Variants in PAK5 observed in about 807,000 individuals in gnomAD.
The protein encoded by PAK5 is serine/threonine-protein kinase PAK 5.
In PAK5, 16 loss-of-function variants were observed where a neutral mutation model predicts 65.9. The ratio of observed to expected loss-of-function variants is 0.24; its 90% confidence interval spans 0.16 to 0.37. The LOEUF (loss-of-function observed/expected upper bound fraction) is 0.37, where lower values mean the gene tolerates loss of function less well. Among genes scored for constraint, PAK5 ranks in the 10% least tolerant of loss-of-function variants. The pLI is 1.00. For synonymous variants in PAK5, 371 were observed against 354.9 expected, an observed-to-expected ratio of 1.05 and a Z score of -0.51; for missense variants, 785 against 903.9, an observed-to-expected ratio of 0.87 and a Z score of 1.69.
At chr20:9,571,371 AG>A in intron 4 of PAK5, among the ~76,000 whole-genome samples, 2 of 152,330 alleles carry the variant, frequency 1.3e-5, no homozygotes, top group Middle Eastern at 6.8e-3. Flanking sequence ...GGAATCAAGC[AG>A]GGGGCAACTG....
At chr20:9,786,343 C>A (rs1479790289) in intron 1 of PAK5, among the ~76,000 whole-genome samples, 5 of 152,178 alleles carry the variant, frequency 3.3e-5, no homozygotes, top group African/African-American at 4.8e-5. Flanking sequence ...AAGTGCTCAA[C>A]AAACATTTAC....
At chr20:9,660,254 CG>C (rs2047326400) in intron 2 of PAK5, among the ~76,000 whole-genome samples, 1 of 151,740 alleles carries the variant, frequency 6.6e-6, no homozygotes, top group African/African-American at 2.4e-5. Context: ...ACGTGGATTA[CG>C]CAGTAAACTG....
At chr20:9,572,010 CCAGAACA>C (rs1384633145) in intron 4 of PAK5, among the ~76,000 whole-genome samples, 1 of 149,270 alleles carries the variant, frequency 6.7e-6, no homozygotes, top group African/African-American at 2.5e-5. Flanking sequence ...AAGAATTGGA[CCAGAACA>C]TGATGGATGA....
intron 2 of PAK5, among the ~76,000 whole-genome samples, chr20:9,672,458 TG>T (rs2047512958): frequency 6.6e-6 from 1 of 150,594 alleles, no homozygotes; most frequent in African/African-American, 2.4e-5. Flanking sequence ...ACCATGGGGG[TG>T]GGTCTTTCCT....
At chr20:9,581,943 G>A (rs2045986799) in intron 3 of PAK5, among the ~76,000 whole-genome samples, 1 of 152,174 alleles carries the variant, frequency 6.6e-6, no homozygotes, top group Non-Finnish European at 1.5e-5. Flanking sequence ...TCAAACTGGA[G>A]GAAGAAGTCA....
chr20:9,564,089 C>G lies in PAK5; in HGVS notation c.1483-1065G>C, dbSNP rs913042650. On this transcript the variant is annotated intron_variant, in intron 5 of 9. Transcript: ENST00000353224. The stretch of plus-strand genomic sequence containing the variant: ...TGGATTGTACATGCTTTCCTGGAGA[C>G]TAACATCTAACACTGATACCCTGAC... Among the ~76,000 whole-genome samples, 8 of 152,292 alleles carry G rather than the reference C, an allele frequency of 5.3e-5. No individual in the cohort carries two copies. The East Asian group carries it at 1.5e-3, about 29-fold the overall frequency.
At chr20:9,834,109 A>G (rs1480182389) in intron 1 of PAK5, among the ~76,000 whole-genome samples, 1 of 152,232 alleles carries the variant, frequency 6.6e-6, no homozygotes, top group Non-Finnish European at 1.5e-5. Context: ...ATCAAGGCAC[A>G]CTGTCTAATT....
chr20:9,608,938 G>A (rs1195837805), intron 3 of PAK5, among the ~76,000 whole-genome samples: 2 of 152,206 alleles, frequency 1.3e-5, no homozygotes, highest in Non-Finnish European at 2.9e-5. Flanking sequence ...CCTTAGAAAT[G>A]AAGGATCTTC....
At chr20:9,791,303 C>T (rs1237736466) in intron 1 of PAK5, among the ~76,000 whole-genome samples, 1 of 152,122 alleles carries the variant, frequency 6.6e-6, no homozygotes, top group Non-Finnish European at 1.5e-5. Context: ...AATTGAACTC[C>T]TTGTCTGTCC....
intron 1 of PAK5, among the ~76,000 whole-genome samples, chr20:9,745,180 C>T (rs1390574546): frequency 1.3e-5 from 2 of 152,034 alleles, no homozygotes; most frequent in African/African-American, 4.8e-5. Context: ...TTCTTTCAAT[C>T]TTAGCGATTA....
chr20:9,773,980 T>C (rs937341593), intron 1 of PAK5, among the ~76,000 whole-genome samples: 1 of 152,208 alleles, frequency 6.6e-6, no homozygotes, highest in Non-Finnish European at 1.5e-5. Flanking sequence ...GGGAAACTTA[T>C]GTTTCAAAAG....
At chr20:9,802,912 A>G (rs201212371) in intron 1 of PAK5, among the ~76,000 whole-genome samples, 650 of 49,508 alleles carry the variant, frequency 0.013, 16 homozygotes, top group Non-Finnish European at 0.021. Context: ...ATGTATGTGT[A>G]TATATATATA....
At chr20:9,632,299 G>T (rs1056117231) in intron 3 of PAK5, among the ~76,000 whole-genome samples, 2 of 152,192 alleles carry the variant, frequency 1.3e-5, no homozygotes, top group Non-Finnish European at 2.9e-5. Context: ...ACAGGCTTGT[G>T]ATCTGGGGGG....
At position 9,668,635 on chromosome 20, in the gene PAK5, G is replaced by A. The variant is rs111287346; in HGVS notation, c.-11-24296C>T. Among the ~76,000 whole-genome samples the A allele has an allele frequency of 9.5e-3, 1,450 of 152,270 alleles. 25 individuals are homozygous for A. Among genetic ancestry groups the A allele is most frequent in the African/African-American group, 0.033 (1,360 of 41,564 alleles). ...TTTACGAGAGCATAACACTGAGAAC[G>A]AGAACGACACTTTTGCATATTGGAG... On this transcript the variant is annotated intron_variant, in intron 2 of 9. Transcript: ENST00000353224.
chr20:9,553,408 C>T (rs951013199), intron 7 of PAK5, among the ~76,000 whole-genome samples: 4 of 152,106 alleles, frequency 2.6e-5, no homozygotes, highest in Non-Finnish European at 5.9e-5. Context: ...TTGCACCAAC[C>T]TATTATAACC....
intron 1 of PAK5, among the ~76,000 whole-genome samples, chr20:9,740,239 T>C (rs571352469): frequency 2.1e-4 from 32 of 152,234 alleles, no homozygotes; most frequent in African/African-American, 7.7e-4. Flanking sequence ...ACCGAAGGAT[T>C]AGAAGGGAGC....
intron 1 of PAK5, among the ~76,000 whole-genome samples, chr20:9,830,724 G>T (rs1218908217): frequency 6.6e-6 from 1 of 152,140 alleles, no homozygotes; most frequent in Non-Finnish European, 1.5e-5. Flanking sequence ...GTCACTACTG[G>T]CTCCAAGAGG....
chr20:9,658,219 A>G (rs1188550785), intron 2 of PAK5, among the ~76,000 whole-genome samples: 9 of 152,308 alleles, frequency 5.9e-5, no homozygotes, highest in Non-Finnish European at 5.9e-5. Context: ...TAAAATGACA[A>G]CCATTTATTT....
chr20:9,676,452 G>A (rs2047573677), intron 2 of PAK5, among the ~76,000 whole-genome samples: 2 of 152,104 alleles, frequency 1.3e-5, no homozygotes, highest in African/African-American at 2.4e-5. Context: ...AATTTCTACA[G>A]AAAGAAAAAT....
Sources: gnomAD v4.1 joint callset for allele counts (sites outside exome capture counted in the v4.1 genomes callset) on GRCh38, gnomAD v4.1.1 for gene constraint, MANE v1.5 for transcripts, NCBI Gene and HGNC (gene_info 2026-07-23, HGNC 2026-07-21) for gene names.